Variants in JPH3 observed in about 807,000 individuals in gnomAD.
JPH3 encodes junctophilin 3.
Under a neutral mutation model 59.6 loss-of-function variants are expected in JPH3, and 11 were observed. The observed-to-expected ratio is 0.18, with a 90% confidence interval of 0.12 to 0.31. The LOEUF (loss-of-function observed/expected upper bound fraction) is 0.31, where lower values mean the gene tolerates loss of function less well. JPH3 is among the 10% of genes least tolerant of loss of function. The pLI is 1.00. For synonymous variants in JPH3, 673 were observed against 483.6 expected, an observed-to-expected ratio of 1.39 and a Z score of -5.14; for missense variants, 1,202 against 1,105.7, an observed-to-expected ratio of 1.09 and a Z score of -1.24.
At chr16:87,696,390 T>C (rs2033855236) in intron 4 of JPH3, 190 bp from the exon 5 acceptor site, 1 of 600,794 alleles carries the variant, frequency 1.7e-6, no homozygotes, top group East Asian at 2.8e-5. Context: ...GGGGCTTCTC[T>C]CCCGCGTCTG....
rs192189509 is a variant in JPH3 at position 87,643,445 on chromosome 16, C to T, written c.383-813C>T. Among the ~76,000 whole-genome samples the T allele has an allele frequency of 6.0e-3, 913 of 151,354 alleles. 7 individuals carry two copies. The highest frequency in any genetic ancestry group is 0.019 in the African/African-American group (778 of 41,326). On this transcript the variant is annotated intron_variant, in intron 1 of 4. Transcript: ENST00000284262. Reference sequence around the variant, plus strand: ...TGTCTGAAGGTCATGGGCCACTGTCCCTTCCCTATGCCCTTGAATCTCTTC... The same window carrying T: ...TGTCTGAAGGTCATGGGCCACTGTCTCTTCCCTATGCCCTTGAATCTCTTC...
chr16:87,654,739 G>T (rs933120935), intron 2 of JPH3: 1 of 152,204 alleles, frequency 6.6e-6, no homozygotes, highest in African/African-American at 2.4e-5. Flanking sequence ...AACCCCACAC[G>T]CTCGCTGCGC....
At chr16:87,671,612 T>C (rs4347636) in intron 2 of JPH3, among the ~76,000 whole-genome samples, 1 of 64,740 alleles carries the variant, frequency 1.5e-5, no homozygotes, top group African/African-American at 5.3e-5. Flanking sequence ...ACCGGCTCAG[T>C]TCTGCGCCTG....
At chr16:87,620,880 G>C (rs1294820847) in intron 1 of JPH3, among the ~76,000 whole-genome samples, 1 of 152,172 alleles carries the variant, frequency 6.6e-6, no homozygotes, top group Non-Finnish European at 1.5e-5. Flanking sequence ...GGGCCCCTGG[G>C]CTGGGTACGG....
At chr16:87,632,903 A>G (rs1158706692) in intron 1 of JPH3, among the ~76,000 whole-genome samples, 4 of 151,920 alleles carry the variant, frequency 2.6e-5, no homozygotes, top group Admixed American at 2.0e-4. Context: ...AAAAAAAAAA[A>G]AAAAATTTTG....
rs987061333 is a variant in JPH3 at position 87,602,534 on chromosome 16, A to ACGCCGC, written c.-605_-600dup. Among the ~76,000 whole-genome samples, 864 of 132,188 alleles carry ACGCCGC rather than the reference A, an allele frequency of 6.5e-3. 4 individuals carry two copies. The highest frequency in any genetic ancestry group is 0.028 in the South Asian group (104 of 3,762). The allele number at this position is 132,188 out of a possible 152,430, so 86.7% of individuals were successfully genotyped here. ...AGCGCGCGAGCCGGGCCCGGAGCGC[A>ACGCCGC]CGCCGCCGCCGCCACCGCCGCCGCC... On this transcript the variant is annotated 5_prime_UTR_variant, in exon 1 of 5. Coordinates refer to ENST00000284262, the MANE Select transcript of JPH3 (RefSeq NM_020655.4).
At chr16:87,696,212 A>G in intron 4 of JPH3, 1 of 441,748 alleles carries the variant, frequency 2.3e-6, no homozygotes, top group Non-Finnish European at 4.4e-6. Context: ...GGGCAGGAGA[A>G]GCCTGCTGAC....
At chr16:87,695,621 G>A (rs1033253270) in intron 4 of JPH3, 5 of 455,944 alleles carry the variant, frequency 1.1e-5, no homozygotes, top group African/African-American at 1.0e-4. Flanking sequence ...CTGGGCTGGG[G>A]CCACCGTCCA....
chr16:87,619,111 C>T (rs1292016935), intron 1 of JPH3, among the ~76,000 whole-genome samples: 2 of 150,426 alleles, frequency 1.3e-5, no homozygotes, highest in African/African-American at 2.4e-5. Flanking sequence ...AGGGGGGGCA[C>T]TGCGCACCAG....
intron 1 of JPH3, among the ~76,000 whole-genome samples, chr16:87,639,685 C>T (rs984123427): frequency 6.6e-6 from 1 of 152,088 alleles, no homozygotes; most frequent in Non-Finnish European, 1.5e-5. Context: ...CCCTCCTGGC[C>T]CCTCGCACCC....
At position 87,696,999 on chromosome 16, in the gene JPH3, C is replaced by T. The variant is rs910424997; in HGVS notation, c.*339C>T. 1.8e-5 allele frequency: 6 copies of T among 337,738 alleles called. No homozygotes were observed. Among genetic ancestry groups the T allele is most frequent in the Non-Finnish European group, 2.9e-5 (5 of 174,146 alleles). 20.9% of individuals were successfully genotyped at this position (337,738 alleles called of 1,614,324 possible). On this transcript the variant is annotated 3_prime_UTR_variant, in exon 5 of 5. Coordinates refer to ENST00000284262, the MANE Select transcript of JPH3 (RefSeq NM_020655.4). ...ACGTTGTCCTCGTGGTCACACGTCC[C>T]GTCTTGGGTGTGGATGGAGGGCAGC...
At chr16:87,604,051 C>T in intron 1 of JPH3, 2 of 982,928 alleles carry the variant, frequency 2.0e-6, no homozygotes, top group Non-Finnish European at 2.4e-6. Context: ...GCGGGGGATG[C>T]CAACCCGAAC....
intron 2 of JPH3, among the ~76,000 whole-genome samples, chr16:87,655,286 A>G (rs1489135122): frequency 6.6e-6 from 1 of 152,124 alleles, no homozygotes; most frequent in Non-Finnish European, 1.5e-5. Flanking sequence ...CACCAGGGAA[A>G]ATGGCTTCAC....
intron 3 of JPH3, chr16:87,684,488 C>A (rs1446595498): frequency 8.0e-6 from 5 of 626,070 alleles, no homozygotes. Context: ...GCAGGTCTCT[C>A]CCATTCCCAC....
chr16:87,690,048 G>C lies in JPH3; in HGVS notation c.1688G>C (p.Arg563Pro). ...VDDFRTRGSG[R>P]KQPGNPKPRE... Reference sequence around the variant, plus strand: ...GACTTCCGCACCCGAGGTTCGGGCCGCAAGCAGCCCGGGAACCCCAAGCCG... The same window carrying C: ...GACTTCCGCACCCGAGGTTCGGGCCCCAAGCAGCCCGGGAACCCCAAGCCG... The change falls in exon 4 of 5, where the codon CGC becomes CCC. Residue 563 changes from arginine (R) to proline (P), a missense_variant. Arg to Pro is a moderately radical substitution (Grantham distance 103). Coordinates refer to ENST00000284262, the MANE Select transcript of JPH3 (RefSeq NM_020655.4). 6.4e-7 allele frequency: 1 copy of C among 1,560,736 alleles called. No homozygotes were observed. The highest frequency in any genetic ancestry group is 8.7e-7 in the Non-Finnish European group (1 of 1,152,448).
intron 3 of JPH3, among the ~76,000 whole-genome samples, chr16:87,685,384 T>G (rs2033392605): frequency 6.6e-6 from 1 of 152,230 alleles, no homozygotes; most frequent in Non-Finnish European, 1.5e-5. Flanking sequence ...AGTGTCCAAG[T>G]GGGAGGGCAA....
At chr16:87,665,286 C>T (rs1790900705) in intron 2 of JPH3, among the ~76,000 whole-genome samples, 1 of 152,224 alleles carries the variant, frequency 6.6e-6, no homozygotes, top group Admixed American at 6.5e-5. Flanking sequence ...CATTGCAAAG[C>T]CCCTGCGTGG....
At chr16:87,637,262 C>T (rs7203383) in intron 1 of JPH3, among the ~76,000 whole-genome samples, 4 of 151,974 alleles carry the variant, frequency 2.6e-5, no homozygotes, top group Non-Finnish European at 5.9e-5. Context: ...TCACGGGGTT[C>T]TGATCATCAG....
At chr16:87,672,422 C>A (rs1488453123) in intron 2 of JPH3, among the ~76,000 whole-genome samples, 1 of 152,214 alleles carries the variant, frequency 6.6e-6, no homozygotes, top group Non-Finnish European at 1.5e-5. Context: ...GGTTCCGTCC[C>A]AGGGGCCTCC....
Sources: gnomAD v4.1 joint callset for allele counts (sites outside exome capture counted in the v4.1 genomes callset) on GRCh38, gnomAD v4.1.1 for gene constraint, MANE v1.5 for transcripts, NCBI Gene and HGNC (gene_info 2026-07-23, HGNC 2026-07-21) for gene names.